Variants in BMPER observed in about 807,000 individuals in gnomAD.
BMPER encodes BMP-binding endothelial regulator protein.
Under a neutral mutation model 87.3 loss-of-function variants are expected in BMPER, and 45 were observed. The ratio of observed to expected loss-of-function variants is 0.52; its 90% CI spans 0.41 to 0.66. The LOEUF (loss-of-function observed/expected upper bound fraction) is 0.66. Ranked by LOEUF, BMPER falls within the 30% of genes least tolerant of loss-of-function variation. The pLI is 0.00. For synonymous variants in BMPER, 326 were observed against 316.2 expected (o/e 1.03, Z -0.33); for missense variants, 784 against 867.5 (o/e 0.90, Z 1.21).
At chr7:34,002,192 C>T (rs1405544193) in intron 6 of BMPER, among the ~76,000 whole-genome samples, 3 of 151,692 alleles carry the variant, frequency 2.0e-5, no homozygotes, top group Non-Finnish European at 4.4e-5. Context: ...AATGACTGCT[C>T]AACTTATGAT....
At chr7:34,109,991 AG>A (rs774891405) in intron 13 of BMPER, among the ~76,000 whole-genome samples, 131 of 152,234 alleles carry the variant, frequency 8.6e-4, no homozygotes, top group Non-Finnish European at 1.6e-3. Context: ...CTATACAGCA[AG>A]GGGGGAAATG....
chr7:33,909,693 A>AAAAAAAAAAAAAAAAAG lies in BMPER; in HGVS notation c.219+2793_219+2794insAAAAAAAAAAAAAGAAA, dbSNP rs10655768. Among the ~76,000 whole-genome samples, 3 of 138,922 alleles carry AAAAAAAAAAAAAAAAAG rather than the reference A, an allele frequency of 2.2e-5. 1 individual carries two copies. The highest frequency in any genetic ancestry group is 5.4e-5 in the African/African-American group (2 of 37,166). 91.1% of individuals were successfully genotyped at this position (138,922 alleles called of 152,430 possible). ...TCATAACATGTACAAAAAAAAAAAA[A>AAAAAAAAAAAAAAAAAG]AAAGAAAGAAAAAGCTAACGTCAAC... On this transcript the variant is annotated intron_variant, in intron 2 of 14. Coordinates refer to ENST00000649409, the MANE Select transcript of BMPER (RefSeq NM_001365308.1).
Position 34,079,192 on chromosome 7 carries a change from GC to G in BMPER, c.1408+7del, listed in dbSNP as rs1250414059. The G allele has an allele frequency of 6.2e-7, 1 of 1,613,312 alleles. No individual in the cohort carries two copies. Among genetic ancestry groups the G allele is most frequent in the African/African-American group, 1.3e-5 (1 of 74,938 alleles). ...GAAAGTGACCACCAAAGCAGGTGGGGCGTCTGTGGCCTCCCTCTTGCTCTAG... is the reference window on the plus strand; with the variant it reads ...GAAAGTGACCACCAAAGCAGGTGGGGGTCTGTGGCCTCCCTCTTGCTCTAG... On this transcript the variant is annotated splice_region_variant and intron_variant, in intron 12 of 14. Transcript: ENST00000649409.
chr7:34,075,193 C>T (rs1414980230), intron 11 of BMPER, among the ~76,000 whole-genome samples: 1 of 152,156 alleles, frequency 6.6e-6, no homozygotes, highest in African/African-American at 2.4e-5. Flanking sequence ...GAGGCAGTGT[C>T]ACTCTTATTT....
intron 13 of BMPER, among the ~76,000 whole-genome samples, chr7:34,100,623 C>A (rs1789656364): frequency 1.3e-5 from 2 of 152,194 alleles, no homozygotes; most frequent in African/African-American, 4.8e-5. Flanking sequence ...GGGGTCAAAT[C>A]ATTTTTCCCC....
At chr7:33,945,243 CTTTTTTT>C (rs376447828) in intron 3 of BMPER, among the ~76,000 whole-genome samples, 22 of 81,768 alleles carry the variant, frequency 2.7e-4, no homozygotes, top group African/African-American at 3.9e-4. Flanking sequence ...GCCTGGACTT[CTTTTTTT>C]TTTTTTTTTT....
intron 6 of BMPER, among the ~76,000 whole-genome samples, chr7:33,990,714 CCA>C: frequency 7.4e-6 from 1 of 134,344 alleles, no homozygotes; most frequent in South Asian, 2.4e-4. Context: ...GGGAGTGCTT[CCA>C]GTTTTTGCCC....
At chr7:33,978,984 T>C (rs902532311) in intron 6 of BMPER, among the ~76,000 whole-genome samples, 3 of 152,120 alleles carry the variant, frequency 2.0e-5, no homozygotes, top group African/African-American at 7.2e-5. Context: ...AGGGACTAAC[T>C]GTACTGGCAG....
chr7:34,143,151 G>T, intron 13 of BMPER, 79 bp from the exon 14 acceptor site: 2 of 1,591,076 alleles, frequency 1.3e-6, no homozygotes, highest in East Asian at 2.2e-5. Context: ...TCCCATCTAC[G>T]ACCCTTTCTG....
At chr7:33,930,391 T>G (rs546591537) in intron 2 of BMPER, among the ~76,000 whole-genome samples, 4 of 152,182 alleles carry the variant, frequency 2.6e-5, no homozygotes, top group Non-Finnish European at 4.4e-5. Flanking sequence ...ATTAAAATAA[T>G]AAATCATCAA....
chr7:33,933,368 G>A (rs767761965), intron 2 of BMPER, among the ~76,000 whole-genome samples: 3 of 151,692 alleles, frequency 2.0e-5, no homozygotes, highest in Non-Finnish European at 2.9e-5. Flanking sequence ...GCTGGCAACC[G>A]TAGAAAGAGG....
At chr7:34,071,432 G>A (rs184222941) in intron 11 of BMPER, among the ~76,000 whole-genome samples, 197 of 152,252 alleles carry the variant, frequency 1.3e-3, no homozygotes, top group Non-Finnish European at 2.2e-3. Flanking sequence ...AGCCTTAAGT[G>A]GCAAAATCAG....
chr7:34,132,077 A>G (rs1295384902), intron 13 of BMPER, among the ~76,000 whole-genome samples: 1 of 152,198 alleles, frequency 6.6e-6, no homozygotes, highest in Non-Finnish European at 1.5e-5. Context: ...AATGTGCCCA[A>G]GATAACACAA....
intron 3 of BMPER, among the ~76,000 whole-genome samples, chr7:33,952,027 G>A (rs938818525): frequency 6.6e-6 from 1 of 152,090 alleles, no homozygotes; most frequent in African/African-American, 2.4e-5. Context: ...TTTTCATATG[G>A]TAGTGGCTGT....
At chr7:34,004,409 T>C (rs1288843090) in intron 6 of BMPER, among the ~76,000 whole-genome samples, 1 of 152,188 alleles carries the variant, frequency 6.6e-6, no homozygotes, top group African/African-American at 2.4e-5. Context: ...CAGTTTATAT[T>C]GCTTACTTTA....
At chr7:34,024,384 A>AAAT (rs1562695193) in intron 6 of BMPER, among the ~76,000 whole-genome samples, 2 of 23,430 alleles carry the variant, frequency 8.5e-5, no homozygotes, top group Non-Finnish European at 1.3e-4. Context: ...AAAAAAAAAC[A>AAAT]ATATATATAT....
At chr7:33,963,743 A>G (rs1009937229) in intron 3 of BMPER, among the ~76,000 whole-genome samples, 3 of 152,308 alleles carry the variant, frequency 2.0e-5, no homozygotes, top group African/African-American at 7.2e-5. Context: ...CAGTAAGCCA[A>G]GATCGCGCCA....
At chr7:33,995,245 A>G (rs760798783) in intron 6 of BMPER, among the ~76,000 whole-genome samples, 1 of 152,166 alleles carries the variant, frequency 6.6e-6, no homozygotes, top group Non-Finnish European at 1.5e-5. Flanking sequence ...AAATACTAAG[A>G]CATGTGTGGT....
chr7:34,071,660 C>T (rs1045442188), intron 11 of BMPER, among the ~76,000 whole-genome samples: 1 of 152,086 alleles, frequency 6.6e-6, no homozygotes, highest in Non-Finnish European at 1.5e-5. Flanking sequence ...GGCAAAAATG[C>T]ATCTTCTGTA....
Sources: gnomAD v4.1 joint callset for allele counts (sites outside exome capture counted in the v4.1 genomes callset) on GRCh38, gnomAD v4.1.1 for gene constraint, MANE v1.5 for transcripts, NCBI Gene and HGNC (gene_info 2026-07-23, HGNC 2026-07-21) for gene names.